The following RASSF6 variants were observed in gnomAD, a reference collection of about 807,000 sequenced individuals.
The protein encoded by RASSF6 is Ras association domain family member 6, also known as ras association domain-containing protein 6.
RASSF6 carries 52 observed loss-of-function variants against 44.0 expected under a neutral mutation model. The ratio of observed to expected loss-of-function variants is 1.18; its 90% CI spans 0.95 to 1.49. RASSF6 has a LOEUF of 1.49. Ranked by LOEUF, RASSF6 falls within the 40% of genes most tolerant of loss-of-function variation. The probability of loss-of-function intolerance (pLI) is 0.00; values close to 1 mark genes in which losing one functional copy is unlikely to be tolerated. For missense variants in RASSF6, 464 were observed against 393.3 expected (o/e 1.18, Z -1.52); for synonymous variants, 162 against 124.6 (o/e 1.30, Z -2.00).
chr4:73,616,734 A>G (rs1246840335), intron 1 of RASSF6, among the ~76,000 whole-genome samples: 2 of 152,248 alleles, frequency 1.3e-5, no homozygotes, highest in South Asian at 2.1e-4. Context: ...GTGTATTTCA[A>G]TTATGAGATA....
intron 2 of RASSF6, among the ~76,000 whole-genome samples, chr4:73,606,217 T>A (rs1725617578): frequency 6.6e-6 from 1 of 152,354 alleles, no homozygotes; most frequent in Admixed American, 6.5e-5. Context: ...ATAGACACCA[T>A]GGAATACTCT....
Position 73,620,338 on chromosome 4 carries a change from C to T in RASSF6, c.-85G>A. 1.3e-6 allele frequency: 2 copies of T among 1,486,696 alleles called. No homozygotes were observed. Among genetic ancestry groups the T allele is most frequent in the Non-Finnish European group, 8.9e-7 (1 of 1,122,538 alleles). The allele number at this position is 1,486,696 out of a possible 1,614,324, so 92.1% of individuals were successfully genotyped here. A position where few individuals can be genotyped will look rare whatever the true frequency, so the allele number is the denominator to read the frequency against. On this transcript the variant is annotated 5_prime_UTR_variant, in exon 1 of 11. Transcript: ENST00000307439. ...GACCCTTTTCACCATCGTTGTTCGGCTGAACTTGCTTCGCGGTTTGTTCTC... is the reference window on the plus strand; with the variant it reads ...GACCCTTTTCACCATCGTTGTTCGGTTGAACTTGCTTCGCGGTTTGTTCTC...
Position 73,576,158 on chromosome 4 carries a change from G to A in RASSF6, c.*77C>T, listed in dbSNP as rs1723193886. 2.6e-6 allele frequency: 2 copies of A among 756,902 alleles called. No individual in the cohort carries two copies. 46.9% of individuals were successfully genotyped at this position (756,902 alleles called of 1,614,324 possible). A position where few individuals can be genotyped will look rare whatever the true frequency, so the allele number is the denominator to read the frequency against. On this transcript the variant is annotated 3_prime_UTR_variant, in exon 11 of 11. Transcript: ENST00000307439. ...CTCATATATGTTCGTATAAATGCAA[G>A]TACAGAACTTATGCATTCATCAAAG...
At chr4:73,605,748 A>T in intron 2 of RASSF6, among the ~76,000 whole-genome samples, 1 of 151,990 alleles carries the variant, frequency 6.6e-6, no homozygotes, top group East Asian at 1.9e-4. Flanking sequence ...ATACCTGAGG[A>T]TTTTTCCCTT....
At chr4:73,606,888 C>T (rs1215933378) in intron 2 of RASSF6, among the ~76,000 whole-genome samples, 1 of 152,082 alleles carries the variant, frequency 6.6e-6, no homozygotes, top group African/African-American at 2.4e-5. Context: ...CCTTTCAGCC[C>T]CCTGGACATT....
chr4:73,589,037 T>C (rs1578033082), intron 4 of RASSF6, among the ~76,000 whole-genome samples: 1 of 152,176 alleles, frequency 6.6e-6, no homozygotes, highest in Non-Finnish European at 1.5e-5. Flanking sequence ...TTAATACTAA[T>C]GGTAGTGAAT....
intron 3 of RASSF6, among the ~76,000 whole-genome samples, chr4:73,594,908 T>C (rs1203107132): frequency 2.0e-5 from 3 of 152,218 alleles, no homozygotes; most frequent in Non-Finnish European, 4.4e-5. Context: ...GTTAAATTCT[T>C]CATTGCTATA....
rs1299415772 is a variant in RASSF6 at position 73,611,780 on chromosome 4, G to A, written c.16C>T (p.His6Tyr). Reference protein sequence around the residue: MTMMAHQYPSWIFINE... With the variant: MTMMAYQYPSWIFINE... ...ATGAAGATCCAAGAGGGGTACTGGT[G>A]AGCCATCATAGTCATCTTTTCCTCC... Residue 6 changes from histidine to tyrosine, a missense_variant, in exon 2 of 11, where the codon CAC becomes TAC. His to Tyr is a moderately conservative substitution (Grantham distance 83). Coordinates refer to ENST00000307439, the MANE Select transcript of RASSF6 (RefSeq NM_177532.5). The A allele has an allele frequency of 6.2e-7, 1 of 1,611,334 alleles. No homozygotes were observed. The highest frequency in any genetic ancestry group is 2.2e-5 in the East Asian group (1 of 44,704).
intron 2 of RASSF6, among the ~76,000 whole-genome samples, chr4:73,599,383 A>T (rs1048558648): frequency 1.3e-5 from 2 of 152,254 alleles, no homozygotes; most frequent in Non-Finnish European, 2.9e-5. Context: ...TTTGGCCAGG[A>T]AAGTTTGTAG....
At chr4:73,617,581 G>A (rs1726445031) in intron 1 of RASSF6, among the ~76,000 whole-genome samples, 1 of 152,084 alleles carries the variant, frequency 6.6e-6, no homozygotes, top group Non-Finnish European at 1.5e-5. Context: ...CAAAAGAATC[G>A]ACACTCTCTC....
chr4:73,590,143 C>T (rs1489143069), intron 4 of RASSF6, among the ~76,000 whole-genome samples: 2 of 152,166 alleles, frequency 1.3e-5, no homozygotes, highest in African/African-American at 2.4e-5. Flanking sequence ...CAAAGTACTG[C>T]CCATAGAATT....
chr4:73,597,661 CAT>C (rs1183857554), intron 3 of RASSF6, among the ~76,000 whole-genome samples: 1 of 152,140 alleles, frequency 6.6e-6, no homozygotes, highest in Non-Finnish European at 1.5e-5. Context: ...ATTATAAAGA[CAT>C]ATTCACACAT....
Position 73,572,225 on chromosome 4 carries a change from G to A in RASSF6, c.*4010C>T, listed in dbSNP as rs545084607. On this transcript the variant is annotated 3_prime_UTR_variant, in exon 11 of 11. Coordinates refer to ENST00000307439, the MANE Select transcript of RASSF6 (RefSeq NM_177532.5). Reference sequence around the variant, plus strand: ...ATAGAAGGTCTCAGTTCTTCATCATGTAGGTCTTTCCAGGGCTGCTCAGGA... The same window carrying A: ...ATAGAAGGTCTCAGTTCTTCATCATATAGGTCTTTCCAGGGCTGCTCAGGA... 12 of 152,284 alleles carry A rather than the reference G, an allele frequency of 7.9e-5. No individual in the cohort carries two copies. Among genetic ancestry groups the A allele is most frequent in the African/African-American group, 2.9e-4 (12 of 41,538 alleles). 9.4% of individuals were successfully genotyped at this position (152,284 alleles called of 1,614,324 possible).
At chr4:73,581,448 G>C (rs1255644799) in intron 8 of RASSF6, among the ~76,000 whole-genome samples, 4 of 152,142 alleles carry the variant, frequency 2.6e-5, no homozygotes, top group Admixed American at 2.6e-4. Flanking sequence ...GAGAGAACAG[G>C]TATGCAATCA....
chr4:73,585,584 A>T (rs975089935), intron 5 of RASSF6, among the ~76,000 whole-genome samples: 12 of 152,062 alleles, frequency 7.9e-5, no homozygotes, highest in Non-Finnish European at 1.3e-4. Context: ...CTTATGTCTC[A>T]TTCTTATGTT....
At chr4:73,595,243 G>A (rs1309473330) in intron 3 of RASSF6, among the ~76,000 whole-genome samples, 1 of 152,136 alleles carries the variant, frequency 6.6e-6, no homozygotes, top group Non-Finnish European at 1.5e-5. Flanking sequence ...CACCCAGGCT[G>A]GAGTACAGTG....
Position 73,574,090 on chromosome 4 carries a change from AC to A in RASSF6, c.*2144del, listed in dbSNP as rs1415062751. 1 of 152,348 alleles carries A rather than the reference AC, an allele frequency of 6.6e-6. No homozygotes were observed. The highest frequency in any genetic ancestry group is 1.5e-5 in the Non-Finnish European group (1 of 68,226). 9.4% of individuals were successfully genotyped at this position (152,348 alleles called of 1,614,324 possible). On this transcript the variant is annotated 3_prime_UTR_variant, in exon 11 of 11. Transcript: ENST00000307439. The stretch of plus-strand genomic sequence containing the variant: ...TTTTGCTTTGGGCAGTGGTGGTATA[AC>A]CTGGAGCCACAGTGCAAGCCGGTCC...
rs552984237 is a variant in RASSF6, at chr4:73,572,956, T to C, written c.*3279A>G. On this transcript the variant is annotated 3_prime_UTR_variant, in exon 11 of 11. Transcript: ENST00000307439. ...TCACACACACAAATACATATATATA[T>C]ACACACACATACATATATAATATAT... is the stretch of plus-strand genomic sequence containing the variant. 12 of 152,146 alleles carry C rather than the reference T, an allele frequency of 7.9e-5. No individual in the cohort carries two copies. Among genetic ancestry groups the C allele is most frequent in the Middle Eastern group, 3.4e-3 (1 of 292 alleles). The allele number at this position is 152,146 out of a possible 1,614,324, so 9.4% of individuals were successfully genotyped here. A position where few individuals can be genotyped will look rare whatever the true frequency, so the allele number is the denominator to read the frequency against.
chr4:73,611,415 T>G (rs1726003970), intron 2 of RASSF6, among the ~76,000 whole-genome samples: 1 of 152,164 alleles, frequency 6.6e-6, no homozygotes, highest in African/African-American at 2.4e-5. Flanking sequence ...TGGGGTTAAT[T>G]CTTTAGAACT....
Sources: allele counts gnomAD v4.1 joint callset (sites outside exome capture counted in the v4.1 genomes callset), GRCh38; gene constraint gnomAD v4.1.1; transcripts MANE v1.5; gene names NCBI Gene and HGNC (gene_info 2026-07-23, HGNC 2026-07-21).